The following COL19A1 variants were observed in gnomAD, a reference collection of about 807,000 sequenced individuals.
The protein encoded by COL19A1 is collagen type XIX alpha 1 chain.
Under a neutral mutation model 190.2 loss-of-function variants are expected in COL19A1, and 159 were observed. The ratio of observed to expected loss-of-function variants is 0.84; its 90% CI spans 0.73 to 0.95. COL19A1 has a LOEUF of 0.95. Among genes scored for constraint, COL19A1 ranks in the 40% least tolerant of loss-of-function variants. The pLI is 0.00. For missense variants in COL19A1, 1,418 were observed against 1,431.9 expected (o/e 0.99, Z 0.16); for synonymous variants, 509 against 458.9 (o/e 1.11, Z -1.39).
chr6:69,899,753 A>T (rs1469394496), intron 3 of COL19A1, among the ~76,000 whole-genome samples: 3 of 151,902 alleles, frequency 2.0e-5, no homozygotes, highest in Non-Finnish European at 4.4e-5. Context: ...TCCCACATAA[A>T]TGCTAATGAG....
intron 2 of COL19A1, among the ~76,000 whole-genome samples, chr6:69,898,590 ATAG>A (rs1769950650): frequency 6.6e-6 from 1 of 152,232 alleles, no homozygotes; most frequent in Non-Finnish European, 1.5e-5. Context: ...GTGATAAAAT[ATAG>A]TAGTAGTTCA....
intron 4 of COL19A1, among the ~76,000 whole-genome samples, chr6:69,904,884 T>C (rs1770445907): frequency 6.6e-6 from 1 of 152,106 alleles, no homozygotes; most frequent in South Asian, 2.1e-4. Flanking sequence ...CCCTTACCTG[T>C]GGCACTGAGC....
In COL19A1 at chr6:70,184,642, T is replaced by G. The variant is rs535402894; in HGVS notation, c.2776-61T>G. The G allele has an allele frequency of 3.8e-6, 5 of 1,325,532 alleles. No homozygotes were observed. In the African/African-American group the frequency reaches 7.4e-5, roughly 19 times the overall value. 82.1% of individuals were successfully genotyped at this position (1,325,532 alleles called of 1,614,324 possible). ...GGAACTGTCCTCGAAACCTTATGCTTTTGTTGTGTTTAACTATGTTAATGC... is the reference window on the plus strand; with the variant it reads ...GGAACTGTCCTCGAAACCTTATGCTGTTGTTGTGTTTAACTATGTTAATGC... On this transcript the variant is annotated intron_variant, in intron 44 of 50. Transcript: ENST00000620364.
intron 15 of COL19A1, among the ~76,000 whole-genome samples, chr6:70,082,484 C>T (rs1782313913): frequency 6.6e-6 from 1 of 152,032 alleles, no homozygotes; most frequent in African/African-American, 2.4e-5. Context: ...GCGATCTTGG[C>T]TCACTGCAAC....
intron 16 of COL19A1, among the ~76,000 whole-genome samples, chr6:70,113,363 C>A (rs1784386473): frequency 6.6e-6 from 1 of 152,162 alleles, no homozygotes; most frequent in Admixed American, 6.6e-5. Context: ...AATCTCTCCT[C>A]CACAACAGAA....
Position 70,144,909 on chromosome 6 carries a change from T to TGTG in COL19A1, c.1681-9_1681-8insGTG. The TGTG allele has an allele frequency of 6.5e-7, 1 of 1,546,880 alleles. No individual in the cohort carries two copies. On this transcript the variant is annotated splice_polypyrimidine_tract_variant and intron_variant, in intron 24 of 50. Transcript: ENST00000620364. Reference sequence around the variant, plus strand: ...CATCAAAGTAAGAATCTTACCTTGTTTTCTACAGGGAGATCCGGGTGGGAT... The same window carrying TGTG: ...CATCAAAGTAAGAATCTTACCTTGTTGTGTTCTACAGGGAGATCCGGGTGGGAT...
chr6:70,203,807 G>A (rs189613847), intron 49 of COL19A1, among the ~76,000 whole-genome samples: 7 of 152,098 alleles, frequency 4.6e-5, no homozygotes, highest in Admixed American at 4.6e-4. Flanking sequence ...GACACTGCTG[G>A]TGTTTTATTT....
chr6:69,874,754 AAAAAT>A (rs1195453811), intron 1 of COL19A1, among the ~76,000 whole-genome samples: 1 of 152,148 alleles, frequency 6.6e-6, no homozygotes, highest in Admixed American at 6.5e-5. Flanking sequence ...CTGTCTCAAA[AAAAAT>A]AAAAAAAAAA....
intron 14 of COL19A1, among the ~76,000 whole-genome samples, chr6:70,047,730 C>A (rs1330922403): frequency 6.6e-6 from 1 of 152,012 alleles, no homozygotes; most frequent in African/African-American, 2.4e-5. Context: ...GCCAGATTCT[C>A]CTCAATTAAA....
At chr6:69,880,805 A>G (rs1334719574) in intron 2 of COL19A1, among the ~76,000 whole-genome samples, 1 of 152,216 alleles carries the variant, frequency 6.6e-6, no homozygotes. Context: ...AACTACAACT[A>G]TGTAAAAAAG....
chr6:69,869,121 G>T (rs1349503364), intron 1 of COL19A1, among the ~76,000 whole-genome samples: 1 of 152,132 alleles, frequency 6.6e-6, no homozygotes, highest in Non-Finnish European at 1.5e-5. Flanking sequence ...TAAACAGGCA[G>T]AGAATAACTA....
intron 30 of COL19A1, among the ~76,000 whole-genome samples, chr6:70,150,269 A>G (rs1786968762): frequency 6.6e-6 from 1 of 152,106 alleles, no homozygotes; most frequent in East Asian, 1.9e-4. Context: ...TCAACTGTAC[A>G]ATTTTGCCCC....
chr6:69,911,696 C>G (rs1770930682), intron 4 of COL19A1, among the ~76,000 whole-genome samples: 1 of 152,098 alleles, frequency 6.6e-6, no homozygotes, highest in South Asian at 2.1e-4. Context: ...TGGAGGCAAC[C>G]CCCCTTCTTT....
At chr6:69,948,339 A>G (rs533201823) in intron 9 of COL19A1, among the ~76,000 whole-genome samples, 16 of 151,986 alleles carry the variant, frequency 1.1e-4, no homozygotes, top group African/African-American at 1.9e-4. Context: ...TTCCCTTTGA[A>G]TGCTTTAAAA....
Position 70,206,951 on chromosome 6 carries a change from G to T in COL19A1, c.3274G>T (p.Gly1092Trp), listed in dbSNP as rs1359759808. The T allele has an allele frequency of 6.2e-7, 1 of 1,613,888 alleles. No individual in the cohort carries two copies. Among genetic ancestry groups the T allele is most frequent in the Non-Finnish European group, 8.5e-7 (1 of 1,179,894 alleles). Residue 1092 changes from glycine to tryptophan, a missense_variant, in exon 50 of 51, where the codon GGG (glycine) becomes TGG (tryptophan). By Grantham distance (184) the Gly-to-Trp change is radical (BLOSUM62 -2). Coordinates refer to ENST00000620364, the MANE Select transcript of COL19A1 (RefSeq NM_001858.6). ...AGGTGAACCTGGAATTGGGCTGCCA[G>T]GGAGTCCAGGTCTTCCTGGGACTTC... ...ERGEPGIGLP[G>W]SPGLPGTSAL...
At chr6:70,166,192 T>C (rs118080600) in intron 37 of COL19A1, among the ~76,000 whole-genome samples, 2 of 152,214 alleles carry the variant, frequency 1.3e-5, no homozygotes, top group Non-Finnish European at 2.9e-5. Flanking sequence ...CAGATTGGCA[T>C]ACTGCGGGTC....
chr6:70,038,439 T>A (rs1779469603), intron 14 of COL19A1, among the ~76,000 whole-genome samples: 1 of 152,226 alleles, frequency 6.6e-6, no homozygotes, highest in Non-Finnish European at 1.5e-5. Flanking sequence ...AAAAAAATTA[T>A]ATCAGATTGT....
chr6:69,943,920 C>G (rs1562021474), intron 9 of COL19A1, among the ~76,000 whole-genome samples: 1 of 152,110 alleles, frequency 6.6e-6, no homozygotes, highest in Non-Finnish European at 1.5e-5. Flanking sequence ...TGAGCCAAAA[C>G]CCACTAATGA....
intron 15 of COL19A1, among the ~76,000 whole-genome samples, chr6:70,069,858 T>G (rs976527303): frequency 1.3e-5 from 2 of 152,174 alleles, no homozygotes; most frequent in Admixed American, 1.3e-4. Context: ...CTTTGGGGGC[T>G]TTTTGCTTTT....
Sources: allele counts gnomAD v4.1 joint callset (sites outside exome capture counted in the v4.1 genomes callset), GRCh38; gene constraint gnomAD v4.1.1; transcripts MANE v1.5; gene names NCBI Gene and HGNC (gene_info 2026-07-23, HGNC 2026-07-21).